SLC6A11: variants seen among roughly 807,000 people sequenced by gnomAD.
SLC6A11 encodes solute carrier family 6 member 11.
In SLC6A11, 25 loss-of-function variants were observed where a neutral mutation model predicts 74.8. The ratio of observed to expected loss-of-function variants is 0.33; its 90% CI spans 0.24 to 0.47. The LOEUF (loss-of-function observed/expected upper bound fraction) is 0.47. Ranked by LOEUF, SLC6A11 falls within the 20% of genes least tolerant of loss-of-function variation. SLC6A11 has a pLI of 1.00. For synonymous variants in SLC6A11, 330 were observed against 330.2 expected (o/e 1.00, Z 0.01); for missense variants, 574 against 837.0 (o/e 0.69, Z 3.88).
intron 5 of SLC6A11, among the ~76,000 whole-genome samples, chr3:10,864,430 C>A (rs536662973): frequency 3.3e-5 from 5 of 151,790 alleles, no homozygotes; most frequent in Non-Finnish European, 5.9e-5. Context: ...AACCATGTAC[C>A]CCTCAATGGA....
Position 10,819,936 on chromosome 3 carries a change from G to A in SLC6A11, c.532+84G>A, listed in dbSNP as rs1325843298. On this transcript the variant is annotated intron_variant, in intron 3 of 13. Coordinates refer to ENST00000254488, the MANE Select transcript of SLC6A11 (RefSeq NM_014229.3). ...GTTCATGCCCTTCAGGCCAGTCCTG[G>A]TCCCTGGCCTCTCGTCATGAGTCCA... The A allele has an allele frequency of 2.4e-5, 34 of 1,435,704 alleles. No individual in the cohort carries two copies. In the East Asian group the frequency reaches 7.7e-4, roughly 33 times the overall value. The allele number at this position is 1,435,704 out of a possible 1,614,324, so 88.9% of individuals were successfully genotyped here.
At chr3:10,839,346 A>G (rs1047048607) in intron 4 of SLC6A11, among the ~76,000 whole-genome samples, 2 of 151,620 alleles carry the variant, frequency 1.3e-5, no homozygotes, top group African/African-American at 4.8e-5. Context: ...GACCCAGTCT[A>G]CTCTAAGACC....
chr3:10,923,882 C>T (rs1266333269), intron 8 of SLC6A11, among the ~76,000 whole-genome samples: 1 of 151,932 alleles, frequency 6.6e-6, no homozygotes, highest in Non-Finnish European at 1.5e-5. Context: ...ATATAATACA[C>T]CAGAAAGGAT....
intron 4 of SLC6A11, among the ~76,000 whole-genome samples, chr3:10,832,311 G>A (rs1357336976): frequency 1.3e-5 from 2 of 152,092 alleles, no homozygotes; most frequent in African/African-American, 4.8e-5. Flanking sequence ...GGAGGCACTG[G>A]GGATCCTTGA....
At chr3:10,931,236 A>C (rs1575708404) in intron 10 of SLC6A11, among the ~76,000 whole-genome samples, 1 of 152,150 alleles carries the variant, frequency 6.6e-6, no homozygotes, top group East Asian at 1.9e-4. Context: ...TGAACAGTGG[A>C]GATAACACTA....
At chr3:10,820,501 A>T (rs1694124221) in intron 3 of SLC6A11, among the ~76,000 whole-genome samples, 1 of 151,912 alleles carries the variant, frequency 6.6e-6, no homozygotes, top group South Asian at 2.1e-4. Context: ...GTTAGCACAA[A>T]CCCCACCCAG....
chr3:10,930,611 G>A (rs553931721), intron 10 of SLC6A11, among the ~76,000 whole-genome samples: 18 of 152,296 alleles, frequency 1.2e-4, no homozygotes, highest in African/African-American at 3.1e-4. Flanking sequence ...AGAGTCTCTC[G>A]TCACAGTCTT....
Position 10,926,957 on chromosome 3 carries a change from C to T in SLC6A11, c.1233+841C>T, listed in dbSNP as rs1283026569. Among the ~76,000 whole-genome samples the T allele has an allele frequency of 1.3e-5, 2 of 152,176 alleles. No homozygotes were observed. Among genetic ancestry groups the T allele is most frequent in the South Asian group, 2.1e-4 (1 of 4,830 alleles). ...TCGGAGACTGGGGTCTCTTGGCCAA[C>T]CAGTGCTGTGCTGTGCAGGGGCCTC... is the stretch of plus-strand genomic sequence containing the variant. On this transcript the variant is annotated intron_variant, in intron 9 of 13. Transcript: ENST00000254488. The surrounding 1 kb of genome is among the most constrained non-coding windows in gnomAD (Gnocchi z 5.7).
chr3:10,926,249 T>A lies in SLC6A11; in HGVS notation c.1233+133T>A. ...CCTGGCATCAGGGCCCTGCCCACCG[T>A]CCCCCATTCCACCCTCCACTTCCCT... On this transcript the variant is annotated intron_variant, in intron 9 of 13. Coordinates refer to ENST00000254488, the MANE Select transcript of SLC6A11 (RefSeq NM_014229.3). This position sits in a 1 kb window ranked among gnomAD's most constrained non-coding sequence, Gnocchi z 5.7. 1 of 620,402 alleles carries A rather than the reference T, an allele frequency of 1.6e-6. No homozygotes were observed. The highest frequency in any genetic ancestry group is 2.7e-5 in the Admixed American group (1 of 36,894). The allele number at this position is 620,402 out of a possible 1,614,324, so 38.4% of individuals were successfully genotyped here.
At chr3:10,892,244 C>A (rs74932278) in intron 6 of SLC6A11, among the ~76,000 whole-genome samples, 1 of 152,218 alleles carries the variant, frequency 6.6e-6, no homozygotes, top group Non-Finnish European at 1.5e-5. Context: ...GCAAGCCAAG[C>A]GCTGGAAAGC....
chr3:10,906,546 T>C (rs1412290158), intron 6 of SLC6A11, among the ~76,000 whole-genome samples: 1 of 152,186 alleles, frequency 6.6e-6, no homozygotes, highest in Non-Finnish European at 1.5e-5. Context: ...GGTAGAAGCT[T>C]AGTGGACCTA....
intron 7 of SLC6A11, among the ~76,000 whole-genome samples, chr3:10,916,256 A>G (rs528673440): frequency 5.3e-5 from 8 of 152,362 alleles, no homozygotes; most frequent in Admixed American, 2.0e-4. Flanking sequence ...ACTTGCAGAT[A>G]AAGTCCCCAC....
chr3:10,844,304 C>T lies in SLC6A11; in HGVS notation c.714C>T (p.Ile238=), dbSNP rs1694476253. The T allele has an allele frequency of 1.9e-6, 3 of 1,614,104 alleles. No homozygotes were observed. The highest frequency in any genetic ancestry group is 2.5e-6 in the Non-Finnish European group (3 of 1,180,044). Residue 238 remains isoleucine (I), a synonymous_variant, in exon 5 of 14, where the codon ATC becomes ATT. Transcript: ENST00000254488. ...TGTGTCTCTTGGCAGCCTGGACCAT[C>T]TGTTACTTCTGTATCTGGAAGGGGA... ...LALCLLAAWT[I]CYFCIWKGTK... is the part of the protein sequence containing the mutation.
chr3:10,918,208 C>T lies in SLC6A11; in HGVS notation c.996-121C>T. On this transcript the variant is annotated intron_variant, in intron 7 of 13. Transcript: ENST00000254488. The surrounding 1 kb of genome is among the most constrained non-coding windows in gnomAD (Gnocchi z 4.5). ...GTGCTCCATCAGAAAAACAGAGCTCCCTGTGCCTGCACTTCCCTGCCTGCC... is the reference window on the plus strand; with the variant it reads ...GTGCTCCATCAGAAAAACAGAGCTCTCTGTGCCTGCACTTCCCTGCCTGCC... 8.7e-7 allele frequency: 1 copy of T among 1,151,034 alleles called. No homozygotes were observed. Among genetic ancestry groups the T allele is most frequent in the Non-Finnish European group, 1.2e-6 (1 of 850,908 alleles). The allele number at this position is 1,151,034 out of a possible 1,614,324, so 71.3% of individuals were successfully genotyped here. A position where few individuals can be genotyped will look rare whatever the true frequency, so the allele number is the denominator to read the frequency against.
At position 10,849,983 on chromosome 3, in the gene SLC6A11, C is replaced by A. The variant is rs909094596; in HGVS notation, c.756+5637C>A. On this transcript the variant is annotated intron_variant, in intron 5 of 13. Transcript: ENST00000254488. ...ATGGAACACAGCCACATCCATTCACCCATATATTATCCCTGGATGTTTTTG... is the reference window on the plus strand; with the variant it reads ...ATGGAACACAGCCACATCCATTCACACATATATTATCCCTGGATGTTTTTG... 1.1e-4 allele frequency among the ~76,000 whole-genome samples: 16 copies of A among 151,974 alleles called. 1 individual carries two copies. Among genetic ancestry groups the A allele is most frequent in the African/African-American group, 3.9e-4 (16 of 41,378 alleles).
rs777146698 is a variant in SLC6A11, at chr3:10,844,217, C to T, written c.627C>T (p.His209=). The T allele has an allele frequency of 1.2e-6, 2 of 1,614,120 alleles. No homozygotes were observed. Among genetic ancestry groups the T allele is most frequent in the Non-Finnish European group, 1.7e-6 (2 of 1,180,054 alleles). Reference sequence around the variant, plus strand: ...CTCTCCACCCTCCCTTCTGCAGGCACCGGGTCCTGGCCATCTCTGACGGGA... The same window carrying T: ...CTCTCCACCCTCCCTTCTGCAGGCATCGGGTCCTGGCCATCTCTGACGGGA... ...ATSPVMEFWE[H]RVLAISDGIE... is the part of the protein sequence containing the mutation. Residue 209 remains histidine (H), a synonymous_variant, in exon 5 of 14, where the codon CAC becomes CAT. Coordinates refer to ENST00000254488, the MANE Select transcript of SLC6A11 (RefSeq NM_014229.3).
intron 6 of SLC6A11, among the ~76,000 whole-genome samples, chr3:10,905,423 T>C (rs79721143): frequency 4.6e-5 from 7 of 152,220 alleles, no homozygotes; most frequent in African/African-American, 1.4e-4. Flanking sequence ...GGTGGTGTCA[T>C]AAAGGAAAAA....
chr3:10,896,318 C>T (rs1399061682), intron 6 of SLC6A11, among the ~76,000 whole-genome samples: 2 of 152,212 alleles, frequency 1.3e-5, no homozygotes, highest in Admixed American at 6.5e-5. Context: ...TTTTTCAGGC[C>T]CAAAGGAATG....
intron 9 of SLC6A11, among the ~76,000 whole-genome samples, chr3:10,928,772 G>A (rs1381719365): frequency 6.6e-6 from 1 of 152,034 alleles, no homozygotes; most frequent in Non-Finnish European, 1.5e-5. Context: ...CATCAGCAGA[G>A]CACGTAACTC....
Sources: allele counts gnomAD v4.1 joint callset (sites outside exome capture counted in the v4.1 genomes callset), GRCh38; gene constraint gnomAD v4.1.1; non-coding constraint Gnocchi (gnomAD v3.1); transcripts MANE v1.5; gene names NCBI Gene and HGNC (gene_info 2026-07-23, HGNC 2026-07-21).